The following MYPN variants were observed in gnomAD, a reference collection of about 807,000 sequenced individuals.
MYPN encodes the protein myopalladin.
Under a neutral mutation model 129.4 loss-of-function variants are expected in MYPN, and 63 were observed. The observed-to-expected ratio is 0.49, with a 90% confidence interval of 0.40 to 0.60. The LOEUF is 0.60. Ranked by LOEUF, MYPN falls within the 20% of genes least tolerant of loss-of-function variation. The pLI, the probability that MYPN is intolerant of heterozygous loss-of-function variation, is 0.00. For missense variants in MYPN, 1,596 were observed against 1,635.4 expected (o/e 0.98, Z 0.42); for synonymous variants, 629 against 600.9 (o/e 1.05, Z -0.68).
intron 2 of MYPN, among the ~76,000 whole-genome samples, chr10:68,140,954 C>T (rs1564657847): frequency 6.6e-6 from 1 of 152,086 alleles, no homozygotes. Flanking sequence ...TGCCTGTGGC[C>T]CCAGCTACTT....
intron 18 of MYPN, among the ~76,000 whole-genome samples, chr10:68,205,899 T>G (rs2043806891): frequency 6.6e-6 from 1 of 152,264 alleles, no homozygotes; most frequent in Non-Finnish European, 1.5e-5. Flanking sequence ...ATTACTTTAT[T>G]CTTGTTATAC....
chr10:68,151,375 A>G (rs1176239675), intron 6 of MYPN, among the ~76,000 whole-genome samples: 2 of 152,186 alleles, frequency 1.3e-5, no homozygotes, highest in Non-Finnish European at 2.9e-5. Context: ...CAATTTTTCA[A>G]GTTCAGTTCA....
intron 10 of MYPN, among the ~76,000 whole-genome samples, chr10:68,172,810 C>T (rs1589585451): frequency 6.6e-6 from 1 of 152,088 alleles, no homozygotes; most frequent in South Asian, 2.1e-4. Context: ...CGGTGGCTCG[C>T]GCCTGTAATC....
rs183903725 is a variant in MYPN at position 68,170,985 on chromosome 10, C to T, written c.1974-3081C>T. Among the ~76,000 whole-genome samples the T allele has an allele frequency of 4.0e-3, 602 of 151,914 alleles. 5 individuals carry two copies. Among genetic ancestry groups the T allele is most frequent in the African/African-American group, 0.014 (585 of 41,432 alleles). On this transcript the variant is annotated intron_variant, in intron 10 of 19. Transcript: ENST00000358913. ...CCAACATGGTGAAACCCCGTCTCTA[C>T]TAAAAATACAAAAATTAGCCAGGCA...
chr10:68,158,683 C>A, intron 7 of MYPN, 56 bp downstream of exon 7: 1 of 1,260,346 alleles, frequency 7.9e-7, no homozygotes, highest in South Asian at 1.3e-5. Flanking sequence ...ACTTATTGTA[C>A]ACACTTATTT....
At chr10:68,208,903 G>A (rs2043860456) in intron 19 of MYPN, among the ~76,000 whole-genome samples, 1 of 152,150 alleles carries the variant, frequency 6.6e-6, no homozygotes, top group African/African-American at 2.4e-5. Flanking sequence ...AGAGAGCCGG[G>A]AAGGGCTAAG....
chr10:68,133,499 A>G (rs183825442), intron 2 of MYPN, among the ~76,000 whole-genome samples: 55 of 152,222 alleles, frequency 3.6e-4, no homozygotes, highest in African/African-American at 1.3e-3. Context: ...CATGTAGGTG[A>G]AGAACCCTGA....
chr10:68,162,037 G>A (rs779659089), intron 8 of MYPN: 76 of 238,500 alleles, frequency 3.2e-4, no homozygotes, highest in Non-Finnish European at 4.5e-4. Flanking sequence ...GCATAGTGGC[G>A]CACGTCTGTA....
intron 1 of MYPN, among the ~76,000 whole-genome samples, chr10:68,094,328 T>A (rs1056135754): frequency 1.3e-5 from 2 of 151,820 alleles, no homozygotes; most frequent in Non-Finnish European, 2.9e-5. Context: ...GCAATGGCGC[T>A]ATCTCGGCTC....
upstream of MYPN, among the ~76,000 whole-genome samples, chr10:68,108,852 G>C (rs1589517092): frequency 6.6e-6 from 1 of 152,126 alleles, no homozygotes; most frequent in East Asian, 1.9e-4. Context: ...CTCCTGAGTA[G>C]CTGATTTATA....
upstream of MYPN, among the ~76,000 whole-genome samples, chr10:68,102,122 C>CTTTTTT (rs35930233): frequency 3.7e-5 from 4 of 108,414 alleles, no homozygotes; most frequent in African/African-American, 8.0e-5. Context: ...TTTCTCTCTC[C>CTTTTTT]TTTTTTTTTT....
chr10:68,167,132 C>A (rs1016244150), intron 10 of MYPN, among the ~76,000 whole-genome samples: 1 of 152,170 alleles, frequency 6.6e-6, no homozygotes, highest in Non-Finnish European at 1.5e-5. Flanking sequence ...TCAATAGAAG[C>A]ATGCTATCAC....
Position 68,146,249 on chromosome 10 carries a change from T to C in MYPN, c.1130+723T>C, listed in dbSNP as rs571858779. The stretch of plus-strand genomic sequence containing the variant: ...TTGTTGACATCTCACCCAAATCATG[T>C]ATAGTTCCTCTTCACTCCTTTGTTC... On this transcript the variant is annotated intron_variant, in intron 4 of 19. Coordinates refer to ENST00000358913, the MANE Select transcript of MYPN (RefSeq NM_032578.4). Among the ~76,000 whole-genome samples the C allele has an allele frequency of 5.3e-5, 8 of 152,322 alleles. No individual in the cohort carries two copies. In the South Asian group the frequency reaches 1.7e-3, roughly 32 times the overall value.
At chr10:68,130,339 A>G (rs2042390738) in intron 2 of MYPN, among the ~76,000 whole-genome samples, 1 of 152,100 alleles carries the variant, frequency 6.6e-6, no homozygotes, top group Non-Finnish European at 1.5e-5. Flanking sequence ...GGGCACCTGT[A>G]ATCCCAGCTA....
At chr10:68,204,212 C>A (rs753656591) in intron 18 of MYPN, among the ~76,000 whole-genome samples, 19 of 152,202 alleles carry the variant, frequency 1.2e-4, no homozygotes, top group Non-Finnish European at 8.8e-5. Flanking sequence ...ACCACGTCTT[C>A]TTTGTTTTCG....
chr10:68,201,059 A>G (rs768298740), intron 17 of MYPN, among the ~76,000 whole-genome samples: 9 of 152,156 alleles, frequency 5.9e-5, no homozygotes, highest in Non-Finnish European at 1.3e-4. Flanking sequence ...TGTGTGTTTT[A>G]GATAGTGTTA....
At chr10:68,138,164 G>A (rs183247982) in intron 2 of MYPN, among the ~76,000 whole-genome samples, 2 of 147,974 alleles carry the variant, frequency 1.4e-5, no homozygotes, top group South Asian at 4.2e-4. Flanking sequence ...GTGCAGTGCC[G>A]CGATTTTGGC....
intron 6 of MYPN, among the ~76,000 whole-genome samples, chr10:68,157,346 G>A (rs2042892798): frequency 6.6e-6 from 1 of 152,100 alleles, no homozygotes; most frequent in Non-Finnish European, 1.5e-5. Flanking sequence ...CAGGACTGCA[G>A]AATGTAAACA....
intron 8 of MYPN, among the ~76,000 whole-genome samples, chr10:68,163,054 C>T (rs1021534475): frequency 2.0e-5 from 3 of 152,054 alleles, no homozygotes; most frequent in African/African-American, 4.8e-5. Flanking sequence ...CCTGTGATCC[C>T]AACACTTTGG....
Sources: allele counts gnomAD v4.1 joint callset (sites outside exome capture counted in the v4.1 genomes callset), GRCh38; gene constraint gnomAD v4.1.1; transcripts MANE v1.5; gene names NCBI Gene and HGNC (gene_info 2026-07-23, HGNC 2026-07-21).